The following TMEM87B variants were observed in gnomAD, a reference collection of about 807,000 sequenced individuals.
TMEM87B encodes transmembrane protein 87B.
TMEM87B carries 83 observed loss-of-function variants against 80.3 expected under a neutral mutation model. The ratio of observed to expected loss-of-function variants is 1.03; its 90% CI spans 0.87 to 1.24. The LOEUF (loss-of-function observed/expected upper bound fraction) is 1.24. Among genes scored for constraint, TMEM87B ranks in the 50% most tolerant of loss-of-function variants. The pLI, the probability that TMEM87B is intolerant of heterozygous loss-of-function variation, is 0.00. For missense variants in TMEM87B, 625 were observed against 674.4 expected (o/e 0.93, Z 0.81); for synonymous variants, 219 against 230.5 (o/e 0.95, Z 0.45).
chr2:112,076,851 T>TGC (rs2104470624), intron 5 of TMEM87B, among the ~76,000 whole-genome samples: 1 of 21,830 alleles, frequency 4.6e-5, no homozygotes, highest in South Asian at 1.1e-3. Context: ...TTTGTGTGTG[T>TGC]GTGTGTGTGT....
At chr2:112,112,305 C>T (rs1277533918) in intron 17 of TMEM87B, among the ~76,000 whole-genome samples, 1 of 152,202 alleles carries the variant, frequency 6.6e-6, no homozygotes, top group Non-Finnish European at 1.5e-5. Flanking sequence ...TTATATAACA[C>T]TTCTCTCTGG....
intron 8 of TMEM87B, among the ~76,000 whole-genome samples, chr2:112,084,509 C>T (rs1208622419): frequency 1.3e-5 from 2 of 152,210 alleles, no homozygotes; most frequent in African/African-American, 2.4e-5. Flanking sequence ...CCAGGTGTTC[C>T]TCTCGCTGCA....
At chr2:112,110,102 C>T (rs572991980) in intron 17 of TMEM87B, among the ~76,000 whole-genome samples, 1 of 152,062 alleles carries the variant, frequency 6.6e-6, no homozygotes, top group African/African-American at 2.4e-5. Context: ...CAGGTTTTGT[C>T]AGTGTTTTTT....
chr2:112,116,065 C>T lies in TMEM87B; in HGVS notation c.1609-19C>T. ...GTAGTATCAACATGTTGATACATAT[C>T]TTCTTTTTTTTTCTTCAGGAAATCA... is the stretch of plus-strand genomic sequence containing the variant. On this transcript the variant is annotated intron_variant, in intron 18 of 18. Transcript: ENST00000283206. 6.2e-7 allele frequency: 1 copy of T among 1,606,396 alleles called. No individual in the cohort carries two copies. The highest frequency in any genetic ancestry group is 8.5e-7 in the Non-Finnish European group (1 of 1,176,876).
intron 11 of TMEM87B, among the ~76,000 whole-genome samples, chr2:112,093,395 C>T (rs541251175): frequency 2.6e-5 from 4 of 152,194 alleles, no homozygotes; most frequent in Non-Finnish European, 4.4e-5. Flanking sequence ...AATCTGCTAA[C>T]AGCTGTGGAG....
chr2:112,111,746 T>G (rs931795450), intron 17 of TMEM87B, among the ~76,000 whole-genome samples: 2 of 152,224 alleles, frequency 1.3e-5, no homozygotes, highest in African/African-American at 4.8e-5. Flanking sequence ...AAACAGATCA[T>G]GAATAACCAC....
intron 14 of TMEM87B, among the ~76,000 whole-genome samples, chr2:112,099,912 A>C (rs1020138888): frequency 1.3e-5 from 2 of 151,620 alleles, no homozygotes; most frequent in Non-Finnish European, 2.9e-5. Flanking sequence ...CACAAAAAAA[A>C]CAACTATCTT....
rs560601839 is a variant in TMEM87B at position 112,097,744 on chromosome 2, A to T, written c.1272+453A>T. Among the ~76,000 whole-genome samples the T allele has an allele frequency of 1.6e-3, 245 of 150,490 alleles. 2 individuals carry two copies. The highest frequency in any genetic ancestry group is 5.9e-3 in the African/African-American group (241 of 40,888). On this transcript the variant is annotated intron_variant, in intron 13 of 18. Coordinates refer to ENST00000283206, the MANE Select transcript of TMEM87B (RefSeq NM_032824.3). ...AAAAAAAAAAAAAAAAAAACTTTTA[A>T]CTCCTCCAAGTGAGTCTGAAAAAGT...
In TMEM87B at chr2:112,118,994, A is replaced by T. The variant is rs560745306; in HGVS notation, c.*2851A>T. ...AAAGAAGTTTAACATATTGGTTAAT[A>T]TACTGGTTAATATACTGGTTAAACA... On this transcript the variant is annotated 3_prime_UTR_variant, in exon 19 of 19. Coordinates refer to ENST00000283206, the MANE Select transcript of TMEM87B (RefSeq NM_032824.3). The T allele has an allele frequency of 2.0e-4, 30 of 152,278 alleles. No individual in the cohort carries two copies. The highest frequency in any genetic ancestry group is 7.2e-4 in the African/African-American group (30 of 41,560). The allele number at this position is 152,278 out of a possible 1,614,324, so 9.4% of individuals were successfully genotyped here. A position where few individuals can be genotyped will look rare whatever the true frequency, so the allele number is the denominator to read the frequency against.
At chr2:112,072,697 A>G (rs1437120998) in intron 4 of TMEM87B, among the ~76,000 whole-genome samples, 1 of 151,612 alleles carries the variant, frequency 6.6e-6, no homozygotes, top group East Asian at 1.9e-4. Flanking sequence ...CTATCTGATT[A>G]ATTTTCTCAA....
chr2:112,065,347 C>A (rs1474078285), intron 3 of TMEM87B, among the ~76,000 whole-genome samples: 1 of 151,866 alleles, frequency 6.6e-6, no homozygotes, highest in East Asian at 1.9e-4. Context: ...TATATATAAA[C>A]CTTATTAAAA....
chr2:112,092,365 G>T (rs995520116), intron 11 of TMEM87B, among the ~76,000 whole-genome samples: 1 of 152,198 alleles, frequency 6.6e-6, no homozygotes, highest in African/African-American at 2.4e-5. Context: ...GGACATGCAT[G>T]GGAGAGCCTT....
In TMEM87B at chr2:112,081,415, A is replaced by G. The variant is rs759114604; in HGVS notation, c.735A>G (p.Ile245Met). 3 of 1,613,916 alleles carry G rather than the reference A, an allele frequency of 1.9e-6. No homozygotes were observed. Among genetic ancestry groups the G allele is most frequent in the South Asian group, 1.1e-5 (1 of 91,050 alleles). Residue 245 changes from isoleucine to methionine, a missense_variant, in exon 8 of 19, where the codon ATA becomes ATG. Ile to Met is a conservative substitution (Grantham distance 10, BLOSUM62 1). Transcript: ENST00000283206. Reference protein sequence around the residue: ...LTWSACYWKDILRIQFWIAAV... With the variant: ...LTWSACYWKDMLRIQFWIAAV... Reference sequence around the variant, plus strand: ...GGTCTGCCTGTTATTGGAAAGATATATTAAGAATCCAGTTCTGGATTGCAG... The same window carrying G: ...GGTCTGCCTGTTATTGGAAAGATATGTTAAGAATCCAGTTCTGGATTGCAG...
intron 1 of TMEM87B, among the ~76,000 whole-genome samples, chr2:112,058,395 A>G (rs1028148971): frequency 6.6e-6 from 1 of 152,220 alleles, no homozygotes; most frequent in Admixed American, 6.5e-5. Context: ...GTAGTGAGGA[A>G]TGTTGTGGAC....
intron 8 of TMEM87B, among the ~76,000 whole-genome samples, chr2:112,085,027 G>A (rs767634445): frequency 6.6e-6 from 1 of 152,248 alleles, no homozygotes; most frequent in Non-Finnish European, 1.5e-5. Flanking sequence ...GAGCATTGCT[G>A]TGTTCCCATA....
At chr2:112,077,427 A>G in intron 6 of TMEM87B, 145 bp downstream of exon 6, 2 of 425,344 alleles carry the variant, frequency 4.7e-6, no homozygotes, top group Admixed American at 8.3e-5. Flanking sequence ...AGATACTTAA[A>G]ATGTAACATT....
At chr2:112,110,437 T>C (rs932431604) in intron 17 of TMEM87B, among the ~76,000 whole-genome samples, 3 of 152,196 alleles carry the variant, frequency 2.0e-5, no homozygotes, top group African/African-American at 7.2e-5. Context: ...TGCCAAATGT[T>C]CTTTTTAAGT....
rs1680038819 is a variant in TMEM87B at position 112,116,821 on chromosome 2, G to A, written c.*678G>A. Reference sequence around the variant, plus strand: ...ACAAGTGCACAGAGAGAGATGTCTTGAGGGTCACTACCAAAGAATTACCCT... The same window carrying A: ...ACAAGTGCACAGAGAGAGATGTCTTAAGGGTCACTACCAAAGAATTACCCT... On this transcript the variant is annotated 3_prime_UTR_variant, in exon 19 of 19. Coordinates refer to ENST00000283206, the MANE Select transcript of TMEM87B (RefSeq NM_032824.3). 6.6e-6 allele frequency: 1 copy of A among 151,094 alleles called. No homozygotes were observed. The highest frequency in any genetic ancestry group is 1.5e-5 in the Non-Finnish European group (1 of 67,912). 9.4% of individuals were successfully genotyped at this position (151,094 alleles called of 1,614,324 possible).
chr2:112,098,441 T>G (rs1442963328), intron 13 of TMEM87B, among the ~76,000 whole-genome samples, 154 bp from the exon 14 acceptor site: 1 of 152,236 alleles, frequency 6.6e-6, no homozygotes, highest in African/African-American at 2.4e-5. Context: ...TTTTGAACAA[T>G]ATAGGTTTCT....
Sources: gnomAD v4.1 joint callset for allele counts (sites outside exome capture counted in the v4.1 genomes callset) on GRCh38, gnomAD v4.1.1 for gene constraint, MANE v1.5 for transcripts, NCBI Gene and HGNC (gene_info 2026-07-23, HGNC 2026-07-21) for gene names.